Variants in GIGYF2 observed in about 807,000 individuals in gnomAD.
The protein encoded by GIGYF2 is GRB10-interacting GYF protein 2.
GIGYF2 carries 25 observed loss-of-function variants against 208.1 expected under a neutral mutation model. That is an observed-to-expected ratio of 0.12 (90% confidence interval 0.09 to 0.17). The LOEUF (loss-of-function observed/expected upper bound fraction) is 0.17, where lower values mean the gene tolerates loss of function less well. GIGYF2 is among the 10% of genes least tolerant of loss of function. GIGYF2 has a pLI of 1.00. For synonymous variants in GIGYF2, 534 were observed against 543.8 expected (o/e 0.98, Z 0.25); for missense variants, 1,302 against 1,579.4 (o/e 0.82, Z 2.98).
intron 2 of GIGYF2, chr2:232,730,177 T>C (rs755421764): frequency 1.5e-5 from 22 of 1,494,768 alleles, no homozygotes; most frequent in Non-Finnish European, 1.9e-5. Context: ...CCGGCAGGGC[T>C]TTTCAGGTCT....
rs1228177131 is a variant in GIGYF2 at position 232,796,121 on chromosome 2, A to G, written c.1539A>G (p.Ala513=). ...QDSALDDERL[A]SKLQEHRAKG... ...GTGCACTAGATGATGAAAGATTGGC[A>G]TCAAAACTGCAAGAGCACAGAGCTA... Residue 513 remains alanine, a synonymous_variant, in exon 14 of 29, where the codon GCA becomes GCG. Coordinates refer to ENST00000373563, the MANE Select transcript of GIGYF2 (RefSeq NM_001103146.3). 1 of 1,606,366 alleles carries G rather than the reference A, an allele frequency of 6.2e-7. No individual in the cohort carries two copies. Among genetic ancestry groups the G allele is most frequent in the Non-Finnish European group, 8.5e-7 (1 of 1,172,878 alleles).
At chr2:232,790,025 T>C (rs1338146614) in intron 9 of GIGYF2, among the ~76,000 whole-genome samples, 1 of 152,064 alleles carries the variant, frequency 6.6e-6, no homozygotes, top group African/African-American at 2.4e-5. Context: ...GAATTGGATT[T>C]TAGTTCTACT....
chr2:232,739,361 A>ACCCCCCCCCCC (rs35983968), intron 3 of GIGYF2, among the ~76,000 whole-genome samples: 1 of 75,598 alleles, frequency 1.3e-5, no homozygotes, highest in African/African-American at 5.7e-5. Context: ...ACAAAAGCAA[A>ACCCCCCCCCCC]CCCCCCCCCC....
At chr2:232,798,961 TTGCCAGGGACTGG>T (rs1367209942) in intron 14 of GIGYF2, among the ~76,000 whole-genome samples, 149 of 150,598 alleles carry the variant, frequency 9.9e-4, no homozygotes, top group African/African-American at 3.5e-3. Context: ...GCAATTACCA[TTGCCAGGGACTGG>T]AGGAAATCTG....
At chr2:232,734,693 G>A (rs1193494495) in intron 2 of GIGYF2, among the ~76,000 whole-genome samples, 1 of 152,188 alleles carries the variant, frequency 6.6e-6, no homozygotes, top group Non-Finnish European at 1.5e-5. Context: ...GAGGAGAGTT[G>A]TGGCAGAAGC....
At chr2:232,787,526 CTT>C (rs936715087) in intron 9 of GIGYF2, among the ~76,000 whole-genome samples, 197 bp downstream of exon 9, 1 of 149,506 alleles carries the variant, frequency 6.7e-6, no homozygotes, top group Non-Finnish European at 1.5e-5. Flanking sequence ...ATTGAAATCA[CTT>C]TTCTATTTTT....
At chr2:232,791,224 T>C (rs1031727142) in intron 11 of GIGYF2, 34 bp from the exon 12 acceptor site, 8 of 1,613,834 alleles carry the variant, frequency 5.0e-6, no homozygotes, top group South Asian at 1.1e-5. Flanking sequence ...ACCAAAACTT[T>C]CGTAAGTTCA....
intron 2 of GIGYF2, among the ~76,000 whole-genome samples, chr2:232,711,917 A>G (rs1696434758): frequency 1.3e-5 from 2 of 151,698 alleles, no homozygotes; most frequent in Non-Finnish European, 2.9e-5. Flanking sequence ...AGTTATATCA[A>G]TAGTTTGTCT....
At chr2:232,785,084 T>C (rs1219091765) in intron 8 of GIGYF2, among the ~76,000 whole-genome samples, 1 of 151,254 alleles carries the variant, frequency 6.6e-6, no homozygotes, top group Non-Finnish European at 1.5e-5. Flanking sequence ...AAACAACTTC[T>C]TCTTCTTTTT....
intron 22 of GIGYF2, among the ~76,000 whole-genome samples, chr2:232,838,969 A>T (rs897221454): frequency 1.3e-5 from 2 of 152,018 alleles, no homozygotes; most frequent in Non-Finnish European, 2.9e-5. Context: ...AACTGTTTAT[A>T]CCTTTTATCC....
rs1700727897 is a variant in GIGYF2 at position 232,811,311 on chromosome 2, T to G, written c.1966T>G (p.Leu656Val). The G allele has an allele frequency of 6.2e-7, 1 of 1,610,646 alleles. No individual in the cohort carries two copies. Among genetic ancestry groups the G allele is most frequent in the Non-Finnish European group, 8.5e-7 (1 of 1,177,082 alleles). The change falls in exon 17 of 29, where the codon TTG becomes GTG. Residue 656 changes from leucine (L) to valine (V), a missense_variant. Physicochemically the swap from Leu to Val is conservative, Grantham distance 32. This residue lies in a region of GIGYF2 where 701 missense variants were observed against 793.0 expected (regional missense o/e 0.88). Coordinates refer to ENST00000373563, the MANE Select transcript of GIGYF2 (RefSeq NM_001103146.3). Reference sequence around the variant, plus strand: ...ACTGTCTTCCCAGCAGCAGCAGCAGTTGGCACTTCTTCTTCAACAGTTTCA... The same window carrying G: ...ACTGTCTTCCCAGCAGCAGCAGCAGGTGGCACTTCTTCTTCAACAGTTTCA... Reference protein sequence around the residue: ...AALSSQQQQQLALLLQQFQTL... With the variant: ...AALSSQQQQQVALLLQQFQTL...
rs1699499814 is a variant in GIGYF2 at position 232,776,077 on chromosome 2, A to G, written c.533-11073A>G. ...AAACAAAGTGGCTTATTCTTTTGGC[A>G]TTTGTTTTTTTATGCTCATTTTGGG... On this transcript the variant is annotated intron_variant, in intron 8 of 28. Transcript: ENST00000373563. 2.8e-5 allele frequency among the ~76,000 whole-genome samples: 4 copies of G among 145,186 alleles called. No individual in the cohort carries two copies. The South Asian group carries it at 8.4e-4, about 31-fold the overall frequency.
At chr2:232,855,085 T>C (rs1246064844) in intron 28 of GIGYF2, among the ~76,000 whole-genome samples, 15 of 37,460 alleles carry the variant, frequency 4.0e-4, no homozygotes, top group African/African-American at 8.9e-4. Context: ...TCTTTCTTTT[T>C]TTTTTTTTTT....
At chr2:232,775,850 C>T (rs1699489965) in intron 8 of GIGYF2, among the ~76,000 whole-genome samples, 1 of 152,140 alleles carries the variant, frequency 6.6e-6, no homozygotes, top group African/African-American at 2.4e-5. Context: ...TACTTTAAGA[C>T]TATATTGAAA....
chr2:232,817,901 A>G (rs1700962326), intron 20 of GIGYF2, among the ~76,000 whole-genome samples: 1 of 152,152 alleles, frequency 6.6e-6, no homozygotes, highest in Non-Finnish European at 1.5e-5. Flanking sequence ...GAGTTGCTGG[A>G]TCATATGGTC....
rs1471103658 is a variant in GIGYF2 at position 232,761,274 on chromosome 2, GTATT to G, written c.492-116_492-113del. On this transcript the variant is annotated intron_variant, in intron 7 of 28. Coordinates refer to ENST00000373563, the MANE Select transcript of GIGYF2 (RefSeq NM_001103146.3). The stretch of plus-strand genomic sequence containing the variant: ...TTTCGAAATATTAGGCAATAACTAT[GTATT>G]TATTTGTTTTGTAATTTGAAGAAGA... 4.0e-5 allele frequency: 27 copies of G among 682,832 alleles called. No homozygotes were observed. The Admixed American group carries it at 4.4e-4, about 11-fold the overall frequency. The allele number at this position is 682,832 out of a possible 1,614,324, so 42.3% of individuals were successfully genotyped here. A position where few individuals can be genotyped will look rare whatever the true frequency, so the allele number is the denominator to read the frequency against.
At chr2:232,821,721 T>A (rs1167042623) in intron 21 of GIGYF2, among the ~76,000 whole-genome samples, 1 of 152,158 alleles carries the variant, frequency 6.6e-6, no homozygotes, top group East Asian at 1.9e-4. Flanking sequence ...CTTTTATTAG[T>A]GTTTTTTTGT....
chr2:232,709,434 G>A (rs1032548174), intron 2 of GIGYF2, among the ~76,000 whole-genome samples: 1 of 152,036 alleles, frequency 6.6e-6, no homozygotes, highest in Non-Finnish European at 1.5e-5. Flanking sequence ...AGTGATTCTC[G>A]GGCTTCAGCC....
chr2:232,816,788 T>C, intron 19 of GIGYF2, 83 bp from the exon 20 acceptor site: 1 of 1,034,888 alleles, frequency 9.7e-7, no homozygotes, highest in Non-Finnish European at 1.5e-6. Flanking sequence ...GCTGATTGAA[T>C]GAACGAATAC....
Sources: gnomAD v4.1 joint callset for allele counts (sites outside exome capture counted in the v4.1 genomes callset) on GRCh38, gnomAD v4.1.1 for gene constraint, gnomAD v4.1.1 regional missense constraint, MANE v1.5 for transcripts, NCBI Gene and HGNC (gene_info 2026-07-23, HGNC 2026-07-21) for gene names.